BLNK: variants seen among roughly 807,000 people sequenced by gnomAD.
BLNK encodes the protein B cell linker.
BLNK carries 29 observed loss-of-function variants against 73.5 expected under a neutral mutation model. The observed-to-expected ratio is 0.39, with a 90% CI of 0.29 to 0.54. BLNK has a LOEUF of 0.54. BLNK is among the 20% of genes least tolerant of loss of function. The pLI is 0.61. For synonymous variants in BLNK, 176 were observed against 200.8 expected, an observed-to-expected ratio of 0.88 and a Z score of 1.04; for missense variants, 460 against 562.8, an observed-to-expected ratio of 0.82 and a Z score of 1.85.
intron 1 of BLNK, among the ~76,000 whole-genome samples, chr10:96,267,231 C>A (rs1296873947): frequency 6.6e-6 from 1 of 152,034 alleles, no homozygotes; most frequent in Non-Finnish European, 1.5e-5. Flanking sequence ...TAGTTTGAAC[C>A]AAACAAACAT....
At position 96,225,142 on chromosome 10, in the gene BLNK, T is replaced by G. The variant is rs368575185; in HGVS notation, c.362-1153A>C. ...TCACCTGTGCCATGTGAGAGAGGCG[T>G]TAGGCGGCCTCAAGTCTACCCAGTG... On this transcript the variant is annotated intron_variant, in intron 5 of 16. Transcript: ENST00000224337. 3.9e-5 allele frequency among the ~76,000 whole-genome samples: 6 copies of G among 152,324 alleles called. No homozygotes were observed. In the South Asian group the frequency reaches 6.2e-4, roughly 16 times the overall value.
At chr10:96,222,425 G>A (rs1279106627) in intron 6 of BLNK, among the ~76,000 whole-genome samples, 1 of 152,162 alleles carries the variant, frequency 6.6e-6, no homozygotes, top group Non-Finnish European at 1.5e-5. Flanking sequence ...TAAAATGCAG[G>A]GACCTCTGGG....
intron 1 of BLNK, among the ~76,000 whole-genome samples, chr10:96,260,176 A>G (rs920719332): frequency 6.6e-6 from 1 of 152,202 alleles, no homozygotes; most frequent in Non-Finnish European, 1.5e-5. Flanking sequence ...AGATTGCAAA[A>G]ACCAAAAAAG....
intron 5 of BLNK, among the ~76,000 whole-genome samples, chr10:96,226,496 C>T (rs1217688073): frequency 6.6e-6 from 1 of 152,148 alleles, no homozygotes; most frequent in Non-Finnish European, 1.5e-5. Context: ...CTCTCTGAAC[C>T]TTTGGGGAAC....
At chr10:96,196,586 A>G (rs1233280005) in intron 16 of BLNK, among the ~76,000 whole-genome samples, 1 of 152,118 alleles carries the variant, frequency 6.6e-6, no homozygotes, top group Non-Finnish European at 1.5e-5. Context: ...CTTGACCCTA[A>G]TTCTTACAAC....
chr10:96,238,402 G>C (rs587696385), intron 3 of BLNK, among the ~76,000 whole-genome samples: 292 of 152,286 alleles, frequency 1.9e-3, no homozygotes, highest in African/African-American at 6.3e-3. Context: ...CAATGTGTGG[G>C]GGGAAAATGG....
At chr10:96,223,102 A>G (rs1188865958) in intron 6 of BLNK, among the ~76,000 whole-genome samples, 2 of 152,266 alleles carry the variant, frequency 1.3e-5, no homozygotes, top group East Asian at 3.9e-4. Context: ...GCAAAATGGC[A>G]GCGTTTAACT....
chr10:96,198,784 C>T (rs1181781509), intron 15 of BLNK, among the ~76,000 whole-genome samples: 2 of 152,206 alleles, frequency 1.3e-5, no homozygotes, highest in East Asian at 1.9e-4. Flanking sequence ...CTGCAACTTC[C>T]GCCTCCTAGG....
At chr10:96,250,112 G>A (rs1843218204) in intron 1 of BLNK, among the ~76,000 whole-genome samples, 1 of 152,082 alleles carries the variant, frequency 6.6e-6, no homozygotes, top group South Asian at 2.1e-4. Context: ...CCCTAGCTAG[G>A]GAGGCCGGGC....
intron 3 of BLNK, among the ~76,000 whole-genome samples, chr10:96,242,011 C>T (rs1337258488): frequency 2.0e-5 from 3 of 152,154 alleles, no homozygotes; most frequent in Non-Finnish European, 4.4e-5. Flanking sequence ...TGAGCCACTG[C>T]ACCTGGGCCT....
At chr10:96,208,764 C>T (rs2083881542) in intron 9 of BLNK, among the ~76,000 whole-genome samples, 1 of 152,166 alleles carries the variant, frequency 6.6e-6, no homozygotes, top group Non-Finnish European at 1.5e-5. Flanking sequence ...CTGTAAGATG[C>T]CTGGCACTGG....
In BLNK at chr10:96,190,853, A is replaced by G. The variant is rs2083316784; in HGVS notation, c.*1120T>C. 2.0e-5 allele frequency among the ~76,000 whole-genome samples: 3 copies of G among 152,194 alleles called. No individual in the cohort carries two copies. Among genetic ancestry groups the G allele is most frequent in the South Asian group, 4.1e-4 (2 of 4,832 alleles). The stretch of plus-strand genomic sequence containing the variant: ...TCTCTTTTATTCCTTGGTGTTCACC[A>G]ATGTCTGCTTTTCTGCTCTTGTTTT... On this transcript the variant is annotated 3_prime_UTR_variant, in exon 17 of 17. Coordinates refer to ENST00000224337, the MANE Select transcript of BLNK (RefSeq NM_013314.4).
chr10:96,200,305 GA>G lies in BLNK; in HGVS notation c.1012-148del, dbSNP rs1388470966. ...TTAAGATGAGTTTTATTTTTCCTTT[GA>G]TCAAACACAAGGATTATACCGTTAA... On this transcript the variant is annotated intron_variant, in intron 14 of 16. Coordinates refer to ENST00000224337, the MANE Select transcript of BLNK (RefSeq NM_013314.4). The surrounding 1 kb of genome is among the most constrained non-coding windows in gnomAD (Gnocchi z 4.3). The G allele has an allele frequency of 6.4e-6, 4 of 626,326 alleles. No homozygotes were observed. The highest frequency in any genetic ancestry group is 8.6e-6 in the Non-Finnish European group (3 of 349,874). 38.8% of individuals were successfully genotyped at this position (626,326 alleles called of 1,614,324 possible).
Position 96,207,875 on chromosome 10 carries a change from C to G in BLNK, c.771G>C (p.Lys257Asn). Residue 257 changes from lysine to asparagine, a missense_variant, in exon 10 of 17, where the codon AAG becomes AAC. Transcript: ENST00000224337. Reference protein sequence around the residue: ...RAGKKPTTPLKTTPVASQQNA... With the variant: ...RAGKKPTTPLNTTPVASQQNA... Reference sequence around the variant, plus strand: ...TTTAAATGCAAAATTAACTTACTGTCTTCAGTGGTGTCGTTGGTTTTTTCC... The same window carrying G: ...TTTAAATGCAAAATTAACTTACTGTGTTCAGTGGTGTCGTTGGTTTTTTCC... 6.2e-7 allele frequency: 1 copy of G among 1,614,118 alleles called. No homozygotes were observed. The highest frequency in any genetic ancestry group is 1.1e-5 in the South Asian group (1 of 91,072).
intron 8 of BLNK, among the ~76,000 whole-genome samples, chr10:96,213,750 G>T (rs1182403434): frequency 2.0e-5 from 3 of 152,186 alleles, no homozygotes; most frequent in Non-Finnish European, 4.4e-5. Context: ...TTTGTTAAAG[G>T]TTTTCTATTC....
intron 13 of BLNK, chr10:96,203,721 G>A (rs1401410452): frequency 5.2e-6 from 1 of 193,152 alleles, no homozygotes; most frequent in African/African-American, 2.4e-5. Flanking sequence ...ACTATAGCTG[G>A]TGCTTCCCAT....
At chr10:96,222,992 C>A (rs1358336749) in intron 6 of BLNK, among the ~76,000 whole-genome samples, 2 of 152,066 alleles carry the variant, frequency 1.3e-5, no homozygotes, top group Admixed American at 1.3e-4. Context: ...CAGGGAAAAG[C>A]AGTCTCCCAA....
intron 1 of BLNK, among the ~76,000 whole-genome samples, chr10:96,269,065 C>T (rs182103405): frequency 5.7e-4 from 87 of 152,274 alleles, no homozygotes; most frequent in East Asian, 2.3e-3. Context: ...GATGGTGCTT[C>T]GAGCCCATTG....
chr10:96,201,912 T>G (rs2083652922), intron 13 of BLNK, among the ~76,000 whole-genome samples: 2 of 152,076 alleles, frequency 1.3e-5, no homozygotes, highest in African/African-American at 4.8e-5. Context: ...ATATATAATG[T>G]TAGAGGGTCA....
Sources: allele counts gnomAD v4.1 joint callset (sites outside exome capture counted in the v4.1 genomes callset), GRCh38; gene constraint gnomAD v4.1.1; non-coding constraint Gnocchi (gnomAD v3.1); transcripts MANE v1.5; gene names NCBI Gene and HGNC (gene_info 2026-07-23, HGNC 2026-07-21).